Variants in FNIP2 observed in about 807,000 individuals in gnomAD.
FNIP2 encodes the protein folliculin-interacting protein 2.
Under a neutral mutation model 108.7 loss-of-function variants are expected in FNIP2, and 32 were observed. The observed-to-expected ratio is 0.29, with a 90% CI of 0.22 to 0.40. The LOEUF (loss-of-function observed/expected upper bound fraction) is 0.40, where lower values mean the gene tolerates loss of function less well. Among genes scored for constraint, FNIP2 ranks in the 10% least tolerant of loss-of-function variants. The pLI is 1.00. For missense variants in FNIP2, 1,202 were observed against 1,381.6 expected (o/e 0.87, Z 2.06); for synonymous variants, 480 against 496.7 (o/e 0.97, Z 0.45).
At chr4:158,810,577 A>G (rs1777215931) in intron 1 of FNIP2, among the ~76,000 whole-genome samples, 1 of 152,212 alleles carries the variant, frequency 6.6e-6, no homozygotes, top group Admixed American at 6.5e-5. Context: ...TTAGGGTTCA[A>G]GAACATTTGT....
chr4:158,865,708 G>A (rs1780538552), intron 12 of FNIP2, among the ~76,000 whole-genome samples: 1 of 152,118 alleles, frequency 6.6e-6, no homozygotes, highest in Non-Finnish European at 1.5e-5. Context: ...TTGATATCCT[G>A]CGGCAATAGG....
intron 14 of FNIP2, among the ~76,000 whole-genome samples, chr4:158,888,864 C>T (rs1037276723): frequency 2.1e-5 from 3 of 143,184 alleles, no homozygotes; most frequent in Non-Finnish European, 3.0e-5. Flanking sequence ...GGCAACAGAA[C>T]AAGACTGTCT....
At chr4:158,883,532 C>T (rs527826324) in intron 14 of FNIP2, among the ~76,000 whole-genome samples, 1 of 152,210 alleles carries the variant, frequency 6.6e-6, no homozygotes, top group Non-Finnish European at 1.5e-5. Flanking sequence ...TGAGCCATCG[C>T]GCCCAGCCTC....
intron 15 of FNIP2, among the ~76,000 whole-genome samples, chr4:158,892,528 G>A (rs552606119): frequency 6.6e-5 from 10 of 152,136 alleles, no homozygotes; most frequent in Admixed American, 2.6e-4. Context: ...CAGTATCTGC[G>A]TATGTGCAGA....
At chr4:158,865,282 T>C (rs1221481316) in intron 12 of FNIP2, among the ~76,000 whole-genome samples, 1 of 152,192 alleles carries the variant, frequency 6.6e-6, no homozygotes, top group Non-Finnish European at 1.5e-5. Flanking sequence ...TTTTAAAAAA[T>C]TATATTCATG....
At chr4:158,871,627 C>T in intron 14 of FNIP2, 1 of 985,328 alleles carries the variant, frequency 1.0e-6, no homozygotes, top group Non-Finnish European at 1.2e-6. Flanking sequence ...AAAGCCAGCC[C>T]AGTGTACACG....
intron 1 of FNIP2, among the ~76,000 whole-genome samples, chr4:158,822,545 C>T (rs901164201): frequency 2.6e-5 from 4 of 152,074 alleles, no homozygotes; most frequent in Admixed American, 2.6e-4. Flanking sequence ...AGACCAGAGT[C>T]GGAGTGCAGT....
chr4:158,794,424 A>G (rs1776516415), intron 1 of FNIP2, among the ~76,000 whole-genome samples: 1 of 152,136 alleles, frequency 6.6e-6, no homozygotes, highest in Admixed American at 6.5e-5. Flanking sequence ...GGCCTCCCAA[A>G]GTACTGGGAT....
At chr4:158,835,569 C>A in intron 7 of FNIP2, 93 bp downstream of exon 7, 2 of 1,118,046 alleles carry the variant, frequency 1.8e-6, no homozygotes, top group South Asian at 1.3e-5. Context: ...AGATAACCCT[C>A]ATCCTGTTCT....
intron 1 of FNIP2, among the ~76,000 whole-genome samples, chr4:158,782,746 G>A (rs566267668): frequency 7.2e-5 from 11 of 152,286 alleles, no homozygotes; most frequent in Admixed American, 5.9e-4. Context: ...GAGGGAGAGG[G>A]AGAGACATTT....
chr4:158,851,338 T>C lies in FNIP2; in HGVS notation c.745T>C (p.Leu249=), dbSNP rs767341374. The part of the protein sequence containing the change: ...IARSASLSSL[L]ITPFPSPSSS... ...TCCTACAGCCTCACTAAGCAGTCTT[T>C]TGATCACACCTTTCCCATCTCCAAG... The change falls in exon 8 of 17, where the codon TTG becomes CTG. Residue 249 remains leucine, a synonymous_variant. Transcript: ENST00000264433. The C allele has an allele frequency of 6.2e-7, 1 of 1,614,026 alleles. No individual in the cohort carries two copies. The highest frequency in any genetic ancestry group is 1.1e-5 in the South Asian group (1 of 91,086).
intron 7 of FNIP2, among the ~76,000 whole-genome samples, chr4:158,842,802 C>T (rs1234740950): frequency 1.3e-5 from 2 of 151,926 alleles, no homozygotes; most frequent in Non-Finnish European, 2.9e-5. Flanking sequence ...ATTAAAGGGC[C>T]TTTATAGGAA....
rs991611945 is a variant in FNIP2, at chr4:158,832,133, A to C, written c.549A>C (p.Thr183=). The change falls in exon 5 of 17, where the codon ACA becomes ACC. Residue 183 remains threonine, a synonymous_variant. Transcript: ENST00000264433. ...SARMGSFCGS[T]NNLQDSFEYI... is the part of the protein sequence containing the mutation. ...GAATGGGCAGCTTCTGTGGAAGTACAAATAAGTAAGTGTAGGATTTTGCAT... is the reference window on the plus strand; with the variant it reads ...GAATGGGCAGCTTCTGTGGAAGTACCAATAAGTAAGTGTAGGATTTTGCAT... The C allele has an allele frequency of 6.2e-7, 1 of 1,613,062 alleles. No individual in the cohort carries two copies. Among genetic ancestry groups the C allele is most frequent in the Non-Finnish European group, 8.5e-7 (1 of 1,179,212 alleles).
At chr4:158,878,504 C>T (rs1287770747) in intron 14 of FNIP2, among the ~76,000 whole-genome samples, 1 of 152,074 alleles carries the variant, frequency 6.6e-6, no homozygotes, top group Non-Finnish European at 1.5e-5. Context: ...GAGTGATTTG[C>T]GAATCCCTAC....
At position 158,847,943 on chromosome 4, in the gene FNIP2, A is replaced by T. The variant is rs369173289; in HGVS notation, c.728-3378A>T. Among the ~76,000 whole-genome samples, 23 of 152,274 alleles carry T rather than the reference A, an allele frequency of 1.5e-4. No homozygotes were observed. The East Asian group carries it at 2.7e-3, about 18-fold the overall frequency. Reference sequence around the variant, plus strand: ...GACAGGAGAGGGAAGAGTTGGAATGACTTTGTCTTGTGGCTTGGGTGCCAG... The same window carrying T: ...GACAGGAGAGGGAAGAGTTGGAATGTCTTTGTCTTGTGGCTTGGGTGCCAG... On this transcript the variant is annotated intron_variant, in intron 7 of 16. Transcript: ENST00000264433.
intron 7 of FNIP2, among the ~76,000 whole-genome samples, chr4:158,839,553 A>G (rs1217694683): frequency 6.6e-6 from 1 of 151,958 alleles, no homozygotes; most frequent in African/African-American, 2.4e-5. Context: ...TTTTATGTAG[A>G]AACAAGGCCC....
At chr4:158,791,266 CTTTTTTTT>C (rs199714823) in intron 1 of FNIP2, among the ~76,000 whole-genome samples, 3 of 98,050 alleles carry the variant, frequency 3.1e-5, no homozygotes, top group East Asian at 5.0e-4. Context: ...ACTGAGGATC[CTTTTTTTT>C]TTTTTTTTTT....
Position 158,870,475 on chromosome 4 carries a change from T to A in FNIP2, c.2949+6T>A. On this transcript the variant is annotated splice_donor_region_variant and intron_variant, in intron 14 of 16. Transcript: ENST00000264433. ...ACCTTGTCCACACAGTCCATGTAAG[T>A]GATCCCAGTGTGGAGCCTCTGGCTG... 6.2e-7 allele frequency: 1 copy of A among 1,603,286 alleles called. No homozygotes were observed. Among genetic ancestry groups the A allele is most frequent in the South Asian group, 1.1e-5 (1 of 89,998 alleles).
rs1193287894 is a variant in FNIP2, at chr4:158,868,209, C to A, written c.1573C>A (p.Leu525Ile). ...AATACTTTATGTCCTGACCTACTTT[C>A]TCCGTTGCTCTGAGCTACAAGAGAA... ...QRILYVLTYF[L>I]RCSELQENQL... Residue 525 changes from leucine to isoleucine, a missense_variant, in exon 13 of 17, where the codon CTC becomes ATC. By Grantham distance (5) the Leu-to-Ile change is conservative. Around this residue, in one of 5 missense-constraint regions of FNIP2, gnomAD observed 878 missense variants for 990.3 expected, o/e 0.89. Transcript: ENST00000264433. The surrounding 1 kb of genome is among the most constrained non-coding windows in gnomAD (Gnocchi z 4.6). 6.2e-7 allele frequency: 1 copy of A among 1,613,952 alleles called. No homozygotes were observed. The highest frequency in any genetic ancestry group is 1.3e-5 in the African/African-American group (1 of 74,950).
Sources: gnomAD v4.1 joint callset for allele counts (sites outside exome capture counted in the v4.1 genomes callset) on GRCh38, gnomAD v4.1.1 for gene constraint, gnomAD v4.1.1 regional missense constraint, Gnocchi (gnomAD v3.1) non-coding constraint, MANE v1.5 for transcripts, NCBI Gene and HGNC (gene_info 2026-07-23, HGNC 2026-07-21) for gene names.